The following WWOX variants were observed in gnomAD, a reference collection of about 807,000 sequenced individuals.
WWOX encodes the protein WW domain containing oxidoreductase.
Under a neutral mutation model 46.2 loss-of-function variants are expected in WWOX, and 69 were observed. That is an observed-to-expected ratio of 1.49 (90% CI 1.23 to 1.82). The LOEUF (loss-of-function observed/expected upper bound fraction) is 1.82, where lower values mean the gene tolerates loss of function less well. Among genes scored for constraint, WWOX ranks in the 40% most tolerant of loss-of-function variants. The probability of loss-of-function intolerance (pLI) is 0.00; values close to 1 mark genes in which losing one functional copy is unlikely to be tolerated. For synonymous variants in WWOX, 359 were observed against 202.6 expected (o/e 1.77, Z -6.56); for missense variants, 919 against 542.6 (o/e 1.69, Z -6.89).
intron 5 of WWOX, chr16:78,281,107 A>G (rs1395536696): frequency 6.6e-6 from 1 of 152,258 alleles, no homozygotes; most frequent in Non-Finnish European, 1.5e-5. Context: ...GAAAAAAATA[A>G]TAAAAGCGAG....
Position 78,884,503 on chromosome 16 carries a change from C to T in WWOX, c.1057-327105C>T, listed in dbSNP as rs921483533. On this transcript the variant is annotated intron_variant, in intron 8 of 8. Coordinates refer to ENST00000566780, the MANE Select transcript of WWOX (RefSeq NM_016373.4). Reference sequence around the variant, plus strand: ...AATAAATCCACACAAGAGGAGACTACTCACCAACAAGAATGAATGACTTAG... The same window carrying T: ...AATAAATCCACACAAGAGGAGACTATTCACCAACAAGAATGAATGACTTAG... 1.1e-4 allele frequency among the ~76,000 whole-genome samples: 16 copies of T among 152,152 alleles called. No homozygotes were observed. In the East Asian group the frequency reaches 2.7e-3, roughly 26 times the overall value.
At chr16:78,151,230 T>G (rs2034395638) in intron 4 of WWOX, among the ~76,000 whole-genome samples, 1 of 152,046 alleles carries the variant, frequency 6.6e-6, no homozygotes, top group East Asian at 1.9e-4. Flanking sequence ...AGACCCAGTA[T>G]GTATTTCTTA....
intron 8 of WWOX, among the ~76,000 whole-genome samples, chr16:78,853,952 A>G (rs769864080): frequency 1.3e-5 from 2 of 152,182 alleles, no homozygotes; most frequent in African/African-American, 2.4e-5. Flanking sequence ...ATGCCTTTTT[A>G]TTTCTGAAGG....
intron 8 of WWOX, among the ~76,000 whole-genome samples, chr16:79,149,683 C>T (rs1335136071): frequency 3.3e-5 from 5 of 152,226 alleles, no homozygotes; most frequent in Non-Finnish European, 2.9e-5. Flanking sequence ...ATATTTTCAT[C>T]TGTACTTCTC....
At chr16:79,185,852 T>C (rs2051002740) in intron 8 of WWOX, among the ~76,000 whole-genome samples, 1 of 152,058 alleles carries the variant, frequency 6.6e-6, no homozygotes. Flanking sequence ...TTCTAGGAAG[T>C]ACTATAAAAA....
In WWOX at chr16:78,815,090, C is replaced by G. The variant is rs560980368; in HGVS notation, c.1056+382338C>G. Among the ~76,000 whole-genome samples the G allele has an allele frequency of 1.6e-4, 25 of 152,272 alleles. 1 individual carries two copies. The South Asian group carries it at 5.2e-3, about 32-fold the overall frequency. ...CTGTAATCCCAACACTTCGGGAGGC[C>G]GAGGTGGGCAGATTGTCTGAGGTCA... is the stretch of plus-strand genomic sequence containing the variant. On this transcript the variant is annotated intron_variant, in intron 8 of 8. Coordinates refer to ENST00000566780, the MANE Select transcript of WWOX (RefSeq NM_016373.4).
intron 8 of WWOX, among the ~76,000 whole-genome samples, chr16:79,021,582 G>A (rs750442679): frequency 6.6e-6 from 1 of 152,288 alleles, no homozygotes; most frequent in African/African-American, 2.4e-5. Flanking sequence ...AACAGTGGGT[G>A]AAAACGATGT....
intron 8 of WWOX, among the ~76,000 whole-genome samples, chr16:78,562,298 C>G (rs946751869): frequency 6.6e-6 from 1 of 152,218 alleles, no homozygotes; most frequent in African/African-American, 2.4e-5. Context: ...TGAGAGCTCA[C>G]TTTATCTCAA....
At chr16:79,067,669 A>G (rs954687111) in intron 8 of WWOX, among the ~76,000 whole-genome samples, 3 of 151,596 alleles carry the variant, frequency 2.0e-5, no homozygotes, top group Non-Finnish European at 4.4e-5. Context: ...CCTGCATATT[A>G]TGCTTTTGTG....
intron 8 of WWOX, among the ~76,000 whole-genome samples, chr16:79,103,743 G>C (rs1262817032): frequency 6.6e-6 from 1 of 152,056 alleles, no homozygotes; most frequent in Non-Finnish European, 1.5e-5. Context: ...AAACTATTAA[G>C]TCCGTTCAAG....
intron 8 of WWOX, among the ~76,000 whole-genome samples, chr16:78,470,082 C>T (rs1372539038): frequency 1.3e-5 from 2 of 152,246 alleles, no homozygotes; most frequent in African/African-American, 2.4e-5. Flanking sequence ...AATTAGCAGG[C>T]TGCTCTCTTC....
intron 8 of WWOX, among the ~76,000 whole-genome samples, chr16:78,520,716 A>C (rs1318016487): frequency 1.3e-5 from 2 of 151,988 alleles, no homozygotes; most frequent in Admixed American, 1.3e-4. Context: ...GAATCCCTGC[A>C]TTGGCCACCC....
intron 8 of WWOX, among the ~76,000 whole-genome samples, chr16:78,739,416 A>C (rs1396179609): frequency 6.6e-6 from 1 of 152,132 alleles, no homozygotes; most frequent in East Asian, 1.9e-4. Context: ...GTGCTTTCAG[A>C]AGGCACACTA....
At chr16:78,208,689 G>A (rs1428358239) in intron 5 of WWOX, among the ~76,000 whole-genome samples, 2 of 152,246 alleles carry the variant, frequency 1.3e-5, no homozygotes, top group East Asian at 3.9e-4. Flanking sequence ...GCCAATAAAA[G>A]CATAATAGAA....
At chr16:78,308,780 G>A (rs7190022) in intron 5 of WWOX, among the ~76,000 whole-genome samples, 16,406 of 152,090 alleles carry the variant, frequency 0.11, 1,719 homozygotes, top group African/African-American at 0.27. Context: ...TGGTCTTTTT[G>A]TGGACTTATC....
intron 8 of WWOX, among the ~76,000 whole-genome samples, chr16:79,194,728 C>T (rs1387128225): frequency 1.3e-5 from 2 of 152,302 alleles, no homozygotes; most frequent in East Asian, 1.9e-4. Flanking sequence ...ATCTGCTTTC[C>T]ATCGTCCAAA....
rs142510831 is a variant in WWOX, at chr16:78,223,760, T to A, written c.516+59471T>A. ...CAGCTGAGTGGCCACCTTTGTCAAATGGAGCTGAGAAATGATTTTCACATG... is the reference window on the plus strand; with the variant it reads ...CAGCTGAGTGGCCACCTTTGTCAAAAGGAGCTGAGAAATGATTTTCACATG... On this transcript the variant is annotated intron_variant, in intron 5 of 8. Coordinates refer to ENST00000566780, the MANE Select transcript of WWOX (RefSeq NM_016373.4). 4.4e-3 allele frequency among the ~76,000 whole-genome samples: 667 copies of A among 152,216 alleles called. 4 individuals carry two copies. The highest frequency in any genetic ancestry group is 0.015 in the African/African-American group (621 of 41,532).
chr16:78,335,696 C>G (rs1417163603), intron 5 of WWOX, among the ~76,000 whole-genome samples: 1 of 152,030 alleles, frequency 6.6e-6, no homozygotes, highest in East Asian at 1.9e-4. Context: ...TGGAATTCAC[C>G]CAATCCGAAT....
intron 8 of WWOX, among the ~76,000 whole-genome samples, chr16:79,164,912 A>C (rs949154250): frequency 1.7e-4 from 26 of 152,178 alleles, no homozygotes; most frequent in African/African-American, 6.3e-4. Flanking sequence ...ACCACAGAGA[A>C]GAGGCAAAGT....
Sources: allele counts gnomAD v4.1 joint callset (sites outside exome capture counted in the v4.1 genomes callset), GRCh38; gene constraint gnomAD v4.1.1; transcripts MANE v1.5; gene names NCBI Gene and HGNC (gene_info 2026-07-23, HGNC 2026-07-21).